The following EP300 variants were observed in gnomAD, a reference collection of about 807,000 sequenced individuals.
EP300 encodes the protein histone acetyltransferase p300.
EP300 carries 31 observed loss-of-function variants against 264.0 expected under a neutral mutation model. The ratio of observed to expected loss-of-function variants is 0.12; its 90% CI spans 0.09 to 0.16. The LOEUF (loss-of-function observed/expected upper bound fraction) is 0.16, where lower values mean the gene tolerates loss of function less well. Ranked by LOEUF, EP300 falls within the 10% of genes least tolerant of loss-of-function variation. EP300 has a pLI of 1.00. For missense variants in EP300, 2,766 were observed against 3,052.9 expected (o/e 0.91, Z 2.21); for synonymous variants, 1,340 against 1,045.4 (o/e 1.28, Z -5.44).
chr22:41,176,095 C>G, intron 29 of EP300, 152 bp from the exon 30 acceptor site: 1 of 833,578 alleles, frequency 1.2e-6, no homozygotes, highest in South Asian at 1.6e-5. Flanking sequence ...TGGTGTGGGC[C>G]TGTGGTCTCA....
chr22:41,144,390 C>T (rs916376461), intron 10 of EP300, among the ~76,000 whole-genome samples: 10 of 152,038 alleles, frequency 6.6e-5, no homozygotes, highest in African/African-American at 2.2e-4. Flanking sequence ...GGGTCTGTTT[C>T]GCCCAGCCTG....
chr22:41,176,707 A>G, intron 30 of EP300, 66 bp from the exon 31 acceptor site: 1 of 1,613,236 alleles, frequency 6.2e-7, no homozygotes, highest in Non-Finnish European at 8.5e-7. Context: ...CCCAAACAAT[A>G]TCTAAAATAC....
intron 10 of EP300, among the ~76,000 whole-genome samples, chr22:41,145,723 A>G (rs2059006875): frequency 6.6e-6 from 1 of 152,100 alleles, no homozygotes. Context: ...TCCCGGGGTC[A>G]TGCCCCGGGT....
rs1016400559 is a variant in EP300, at chr22:41,137,502, T to C, written c.1623-151T>C. 7.2e-6 allele frequency: 7 copies of C among 975,420 alleles called. No individual in the cohort carries two copies. The Admixed American group carries it at 1.5e-4, about 20-fold the overall frequency. The allele number at this position is 975,420 out of a possible 1,614,324, so 60.4% of individuals were successfully genotyped here. ...GAACATGCACAGTTTAAAATCAGTC[T>C]AGTCACACACTTCTCCCTGCCTAGC... is the stretch of plus-strand genomic sequence containing the variant. On this transcript the variant is annotated intron_variant, in intron 7 of 30. Coordinates refer to ENST00000263253, the MANE Select transcript of EP300 (RefSeq NM_001429.4).
intron 1 of EP300, among the ~76,000 whole-genome samples, chr22:41,102,412 C>T (rs1029759704): frequency 4.6e-5 from 7 of 151,974 alleles, no homozygotes; most frequent in African/African-American, 1.2e-4. Flanking sequence ...AAAAATGAGC[C>T]CAGGCTAGAA....
intron 16 of EP300, among the ~76,000 whole-genome samples, chr22:41,153,895 T>C (rs2059061388): frequency 6.6e-6 from 1 of 152,134 alleles, no homozygotes; most frequent in Admixed American, 6.6e-5. Flanking sequence ...GTGAAAATTA[T>C]CTGAAGTAAC....
At chr22:41,105,803 A>G (rs2058755490) in intron 1 of EP300, among the ~76,000 whole-genome samples, 1 of 152,216 alleles carries the variant, frequency 6.6e-6, no homozygotes, top group Non-Finnish European at 1.5e-5. Flanking sequence ...ATATTTTGAA[A>G]TTTGCTTGCA....
intron 10 of EP300, among the ~76,000 whole-genome samples, chr22:41,143,171 C>T (rs2058992457): frequency 1.3e-5 from 2 of 151,962 alleles, no homozygotes; most frequent in Non-Finnish European, 2.9e-5. Flanking sequence ...TAAAAGTGGT[C>T]GGGCATGGTG....
rs1460889953 is a variant in EP300 at position 41,178,571 on chromosome 22, A to C, written c.6860A>C (p.Asn2287Thr). Residue 2287 changes from asparagine to threonine, a missense_variant, in exon 31 of 31, where the codon AAT becomes ACT. Coordinates refer to ENST00000263253, the MANE Select transcript of EP300 (RefSeq NM_001429.4). ...AGCCCCCAGCAGCATATGCTCCCAA[A>C]TCAGGCCCAGTCCCCACACCTACAA... ...PMSPQQHMLP[N>T]QAQSPHLQGQ... 2 of 1,613,900 alleles carry C rather than the reference A, an allele frequency of 1.2e-6. No individual in the cohort carries two copies. The highest frequency in any genetic ancestry group is 1.7e-6 in the Non-Finnish European group (2 of 1,180,020).
chr22:41,150,168 A>G lies in EP300; in HGVS notation c.2787A>G (p.Ala929=), dbSNP rs143690368. Residue 929 remains alanine (A), a synonymous_variant, in exon 14 of 31, where the codon GCA becomes GCG. Coordinates refer to ENST00000263253, the MANE Select transcript of EP300 (RefSeq NM_001429.4). ...STAASVPTPT[A]PLLPPQPATP... ...CAGCGTCTGTTCCTACCCCAACAGCACCGCTGCTTCCTCCGCAGCCTGCAA... is the reference window on the plus strand; with the variant it reads ...CAGCGTCTGTTCCTACCCCAACAGCGCCGCTGCTTCCTCCGCAGCCTGCAA... 195 of 1,610,554 alleles carry G rather than the reference A, an allele frequency of 1.2e-4. No individual in the cohort carries two copies. Among genetic ancestry groups the G allele is most frequent in the Non-Finnish European group, 1.6e-4 (187 of 1,179,648 alleles).
In EP300 at chr22:41,117,691, G is replaced by A. The variant is rs573151834; in HGVS notation, c.599G>A (p.Arg200Gln). 2.5e-6 allele frequency: 4 copies of A among 1,614,196 alleles called. No individual in the cohort carries two copies. The highest frequency in any genetic ancestry group is 2.2e-5 in the East Asian group (1 of 44,890). ...QVMNGSIGAG[R>Q]GRQNMQYPNP... ...ATGAACGGTTCAATTGGAGCAGGCC[G>A]AGGGCGACAGAATATGCAGTACCCA... Residue 200 changes from arginine (R) to glutamine (Q), a missense_variant, in exon 2 of 31, where the codon CGA becomes CAA. Transcript: ENST00000263253.
chr22:41,163,210 C>G (rs1177547622), intron 21 of EP300, among the ~76,000 whole-genome samples: 1 of 139,036 alleles, frequency 7.2e-6, no homozygotes, highest in Non-Finnish European at 1.6e-5. Flanking sequence ...CCGAGGCGGG[C>G]AGATCACGAG....
intron 3 of EP300, among the ~76,000 whole-genome samples, chr22:41,126,564 A>G (rs1345943219): frequency 6.6e-6 from 1 of 152,056 alleles, no homozygotes; most frequent in Non-Finnish European, 1.5e-5. Context: ...ATGTGTCTGC[A>G]TTCAACTTTG....
At chr22:41,153,710 C>T (rs563906772) in intron 16 of EP300, among the ~76,000 whole-genome samples, 119 of 152,212 alleles carry the variant, frequency 7.8e-4, no homozygotes, top group Middle Eastern at 6.8e-3. Context: ...GCCAAGATGG[C>T]GCCACTGCAC....
At chr22:41,093,416 AAG>A (rs951215421) in intron 1 of EP300, among the ~76,000 whole-genome samples, 16 of 152,196 alleles carry the variant, frequency 1.1e-4, no homozygotes, top group African/African-American at 3.9e-4. Flanking sequence ...ATTTGTGTGT[AAG>A]AGCTCCTATG....
At chr22:41,161,578 C>T (rs779216583) in intron 20 of EP300, among the ~76,000 whole-genome samples, 2 of 152,092 alleles carry the variant, frequency 1.3e-5, no homozygotes, top group Non-Finnish European at 1.5e-5. Context: ...GATTGGGCCA[C>T]TGCATTCCAG....
In EP300 at chr22:41,155,389, A is replaced by G. The variant is rs200386620; in HGVS notation, c.3261+276A>G. ...GATAACTACATTCATGTGCCACCTCACCTGGCTAGTTTTTTGTATTTTTTA... is the reference window on the plus strand; with the variant it reads ...GATAACTACATTCATGTGCCACCTCGCCTGGCTAGTTTTTTGTATTTTTTA... On this transcript the variant is annotated intron_variant, in intron 17 of 30. Transcript: ENST00000263253. 2.0e-5 allele frequency among the ~76,000 whole-genome samples: 3 copies of G among 151,826 alleles called. No homozygotes were observed. In the East Asian group the frequency reaches 5.8e-4, roughly 29 times the overall value.
chr22:41,105,204 A>G (rs1244221418), intron 1 of EP300, among the ~76,000 whole-genome samples: 32 of 144,628 alleles, frequency 2.2e-4, no homozygotes, highest in Non-Finnish European at 3.7e-4. Context: ...CTCAGAAAAA[A>G]AAAAAAAAAA....
intron 17 of EP300, among the ~76,000 whole-genome samples, chr22:41,155,905 G>A (rs912046219): frequency 1.1e-4 from 16 of 152,142 alleles, no homozygotes; most frequent in African/African-American, 3.6e-4. Context: ...ATTAAGATAG[G>A]ACTGTAGTGA....
Sources: allele counts gnomAD v4.1 joint callset (sites outside exome capture counted in the v4.1 genomes callset), GRCh38; gene constraint gnomAD v4.1.1; transcripts MANE v1.5; gene names NCBI Gene and HGNC (gene_info 2026-07-23, HGNC 2026-07-21).